Variants in SPMIP2 observed in about 807,000 individuals in gnomAD.
The protein encoded by SPMIP2 is sperm microtubule inner protein 2, also known as protein SPMIP2.
chr4:159,066,031 C>T, the SPMIP2 span, among the ~76,000 whole-genome samples: 2 of 152,172 alleles, frequency 1.3e-5, no homozygotes, highest in South Asian at 4.1e-4. Context: ...TTGTTCACTT[C>T]TTTCTCAAGC....
chr4:159,012,224 T>A, the SPMIP2 span, among the ~76,000 whole-genome samples: 3 of 152,140 alleles, frequency 2.0e-5, no homozygotes, highest in Non-Finnish European at 4.4e-5. Context: ...GGCAACATAG[T>A]GAGACCCTAG....
At chr4:158,986,209 C>G in the SPMIP2 span, among the ~76,000 whole-genome samples, 2 of 151,646 alleles carry the variant, frequency 1.3e-5, no homozygotes, top group African/African-American at 4.8e-5. Flanking sequence ...GCCATACTGC[C>G]CAAGGTAATT....
the SPMIP2 span, among the ~76,000 whole-genome samples, chr4:158,983,065 T>C: frequency 6.6e-6 from 1 of 151,926 alleles, no homozygotes; most frequent in African/African-American, 2.4e-5. Flanking sequence ...GTATCAGTGA[T>C]GGAAGATGAA....
At chr4:158,975,490 G>A in the SPMIP2 span, among the ~76,000 whole-genome samples, 8 of 152,260 alleles carry the variant, frequency 5.3e-5, no homozygotes, top group African/African-American at 1.4e-4. Flanking sequence ...GTGTAAGGAA[G>A]GGGTCCAGTT....
At chr4:159,032,532 T>TA in the SPMIP2 span, among the ~76,000 whole-genome samples, 1 of 152,282 alleles carries the variant, frequency 6.6e-6, no homozygotes, top group Admixed American at 6.5e-5. Context: ...TGTAAATACA[T>TA]AAAACTAAGT....
chr4:159,020,295 G>A, the SPMIP2 span, among the ~76,000 whole-genome samples: 1 of 152,148 alleles, frequency 6.6e-6, no homozygotes, highest in Non-Finnish European at 1.5e-5. Flanking sequence ...GGGGTGGGAT[G>A]GTGAGTAGAA....
At chr4:158,895,702 C>T in the SPMIP2 span, 2 of 1,156,492 alleles carry the variant, frequency 1.7e-6, no homozygotes, top group Admixed American at 1.9e-5. Context: ...AAAATATTGG[C>T]AGAGATTTGA....
the SPMIP2 span, among the ~76,000 whole-genome samples, chr4:158,967,843 A>C: frequency 1 from 152,117 of 152,328 alleles, 75,955 homozygotes; most frequent in East Asian, 1. Flanking sequence ...GTTTAGAAGA[A>C]CGCATAGAGT....
the SPMIP2 span, among the ~76,000 whole-genome samples, chr4:158,935,405 T>C: frequency 6.6e-6 from 1 of 152,200 alleles, no homozygotes; most frequent in African/African-American, 2.4e-5. Flanking sequence ...CCATTGTTCA[T>C]ACCCACGACA....
the SPMIP2 span, among the ~76,000 whole-genome samples, chr4:159,065,223 A>T: frequency 6.6e-6 from 1 of 152,184 alleles, no homozygotes; most frequent in Non-Finnish European, 1.5e-5. Flanking sequence ...ATGAATAGAG[A>T]CCAAATGGCA....
the SPMIP2 span, among the ~76,000 whole-genome samples, chr4:158,914,555 C>T: frequency 6.6e-6 from 1 of 152,156 alleles, no homozygotes; most frequent in African/African-American, 2.4e-5. Flanking sequence ...TGGACGCCTG[C>T]AAAGTTCATT....
chr4:158,982,682 A>G, the SPMIP2 span, among the ~76,000 whole-genome samples: 7 of 152,224 alleles, frequency 4.6e-5, no homozygotes, highest in Non-Finnish European at 8.8e-5. Context: ...CAATGAGAAC[A>G]AAGACACAAC....
chr4:158,964,446 T>TAGA, the SPMIP2 span, among the ~76,000 whole-genome samples: 1 of 152,208 alleles, frequency 6.6e-6, no homozygotes, highest in Admixed American at 6.5e-5. Context: ...TTCTGACCTA[T>TAGA]AGAACTGTAA....
chr4:159,045,395 A>G, the SPMIP2 span, among the ~76,000 whole-genome samples: 1 of 151,988 alleles, frequency 6.6e-6, no homozygotes. Flanking sequence ...TTCTTAATAT[A>G]AGTTGAAAAA....
the SPMIP2 span, among the ~76,000 whole-genome samples, chr4:159,028,348 C>T: frequency 4.6e-5 from 7 of 151,100 alleles, no homozygotes; most frequent in African/African-American, 1.5e-4. Flanking sequence ...TTTTTTCCTT[C>T]GAGATAGGGC....
the SPMIP2 span, among the ~76,000 whole-genome samples, chr4:159,029,266 T>G: frequency 6.6e-6 from 1 of 152,122 alleles, no homozygotes; most frequent in African/African-American, 2.4e-5. Flanking sequence ...AAACATGAAT[T>G]ATAGAAATCA....
At chr4:159,001,251 A>G in the SPMIP2 span, among the ~76,000 whole-genome samples, 1 of 151,174 alleles carries the variant, frequency 6.6e-6, no homozygotes, top group Admixed American at 6.6e-5. Flanking sequence ...AATCATGTAG[A>G]GGACCTTTTG....
chr4:159,055,033 T>G, the SPMIP2 span, among the ~76,000 whole-genome samples: 1 of 152,232 alleles, frequency 6.6e-6, no homozygotes, highest in African/African-American at 2.4e-5. Context: ...CAAGGCCCCC[T>G]GCCTGTCCTA....
At chr4:158,936,286 A>G in the SPMIP2 span, among the ~76,000 whole-genome samples, 1 of 152,238 alleles carries the variant, frequency 6.6e-6, no homozygotes, top group Non-Finnish European at 1.5e-5. Context: ...GTTGCCTAAT[A>G]TAAACCGCAG....
Sources: allele counts gnomAD v4.1 joint callset (sites outside exome capture counted in the v4.1 genomes callset), GRCh38; gene constraint gnomAD v4.1.1; transcripts MANE v1.5; gene names NCBI Gene and HGNC (gene_info 2026-07-23, HGNC 2026-07-21).